Variants in ADAMTS17 observed in about 807,000 individuals in gnomAD.
The protein encoded by ADAMTS17 is ADAM metallopeptidase with thrombospondin type 1 motif 17, also known as A disintegrin and metalloproteinase with thrombospondin motifs 17.
ADAMTS17 carries 113 observed loss-of-function variants against 141.5 expected under a neutral mutation model. The observed-to-expected ratio is 0.80, with a 90% CI of 0.69 to 0.93. The LOEUF (loss-of-function observed/expected upper bound fraction) is 0.93, where lower values mean the gene tolerates loss of function less well. Ranked by LOEUF, ADAMTS17 falls within the 40% of genes least tolerant of loss-of-function variation. The probability of loss-of-function intolerance (pLI) is 0.00; values close to 1 mark genes in which losing one functional copy is unlikely to be tolerated. For synonymous variants in ADAMTS17, 768 were observed against 630.6 expected (o/e 1.22, Z -3.27); for missense variants, 1,659 against 1,517.9 (o/e 1.09, Z -1.54).
intron 14 of ADAMTS17, among the ~76,000 whole-genome samples, chr15:100,107,845 T>C (rs571565706): frequency 1.3e-5 from 2 of 152,310 alleles, no homozygotes; most frequent in Admixed American, 6.5e-5. Context: ...CTGCCTGGTC[T>C]ATGGTGTATC....
chr15:100,142,917 G>C (rs1413682251), intron 10 of ADAMTS17, among the ~76,000 whole-genome samples: 1 of 152,158 alleles, frequency 6.6e-6, no homozygotes, highest in East Asian at 1.9e-4. Context: ...GCACACCTCG[G>C]GTCCTTGTGA....
chr15:100,328,253 G>A (rs556183253), intron 3 of ADAMTS17, among the ~76,000 whole-genome samples: 12 of 152,252 alleles, frequency 7.9e-5, no homozygotes, highest in South Asian at 6.2e-4. Flanking sequence ...TAATTTTCCC[G>A]ATTTCTAAAC....
chr15:100,324,039 A>G (rs74331528), intron 3 of ADAMTS17, among the ~76,000 whole-genome samples: 5 of 151,246 alleles, frequency 3.3e-5, no homozygotes, highest in South Asian at 2.1e-4. Flanking sequence ...AAAAAAAAAA[A>G]AGAAGAAAGC....
intron 7 of ADAMTS17, among the ~76,000 whole-genome samples, chr15:100,235,893 G>T (rs535440956): frequency 1.2e-4 from 19 of 152,286 alleles, no homozygotes; most frequent in Middle Eastern, 3.4e-3. Context: ...CTGTACTCAA[G>T]GTAGCAGAGC....
chr15:100,278,492 G>A (rs1035084410), intron 4 of ADAMTS17, among the ~76,000 whole-genome samples: 7 of 152,124 alleles, frequency 4.6e-5, no homozygotes, highest in Non-Finnish European at 1.5e-5. Flanking sequence ...CAGGTCCCAG[G>A]GGCCTCCTTG....
chr15:100,117,316 T>A (rs965738907), intron 12 of ADAMTS17, among the ~76,000 whole-genome samples: 3 of 152,186 alleles, frequency 2.0e-5, no homozygotes, highest in Non-Finnish European at 4.4e-5. Context: ...ACTTAAAATT[T>A]GGCCATGGGT....
At chr15:100,010,501 C>T (rs114916468) in intron 18 of ADAMTS17, among the ~76,000 whole-genome samples, 4 of 152,194 alleles carry the variant, frequency 2.6e-5, no homozygotes, top group Admixed American at 6.5e-5. Flanking sequence ...CTGTTCTCCA[C>T]GTGTGCTGCG....
chr15:100,122,712 G>T (rs1021546371), intron 12 of ADAMTS17, among the ~76,000 whole-genome samples: 1 of 152,184 alleles, frequency 6.6e-6, no homozygotes, highest in Non-Finnish European at 1.5e-5. Context: ...TAGAGAAAAG[G>T]TTATTAAGAA....
chr15:100,128,910 G>A (rs1379160486), intron 12 of ADAMTS17: 4 of 152,196 alleles, frequency 2.6e-5, no homozygotes, highest in Admixed American at 6.5e-5. Flanking sequence ...AAAAGCTCTG[G>A]AAAGCCTTGT....
intron 18 of ADAMTS17, among the ~76,000 whole-genome samples, chr15:100,011,105 A>G (rs2061158678): frequency 6.6e-6 from 1 of 151,180 alleles, no homozygotes; most frequent in South Asian, 2.1e-4. Flanking sequence ...TTTCAGCCTT[A>G]AATCCTGTAT....
At chr15:100,169,785 T>G in intron 8 of ADAMTS17, among the ~76,000 whole-genome samples, 1 of 152,290 alleles carries the variant, frequency 6.6e-6, no homozygotes, top group East Asian at 1.9e-4. Context: ...CGGGGGCATC[T>G]GGTCACGGGG....
At chr15:100,221,278 CTT>C (rs34908375) in intron 7 of ADAMTS17, among the ~76,000 whole-genome samples, 6 of 147,942 alleles carry the variant, frequency 4.1e-5, no homozygotes, top group African/African-American at 1.2e-4. Context: ...ATAAACTTCA[CTT>C]TTTTTTTTTT....
At chr15:99,987,061 C>T (rs577053007) in intron 20 of ADAMTS17, among the ~76,000 whole-genome samples, 1 of 152,294 alleles carries the variant, frequency 6.6e-6, no homozygotes, top group South Asian at 2.1e-4. Flanking sequence ...GGGGCCTGCC[C>T]ACCTCCCCAA....
At chr15:100,301,475 C>A (rs1260529195) in intron 3 of ADAMTS17, among the ~76,000 whole-genome samples, 2 of 151,302 alleles carry the variant, frequency 1.3e-5, no homozygotes, top group Non-Finnish European at 2.9e-5. Flanking sequence ...CAGGCGCCCA[C>A]CACCACACCG....
chr15:100,134,977 T>G (rs1425583933), intron 10 of ADAMTS17, among the ~76,000 whole-genome samples: 1 of 152,198 alleles, frequency 6.6e-6, no homozygotes, highest in East Asian at 1.9e-4. Flanking sequence ...CACTCTGACC[T>G]GCGAGCTCTT....
intron 15 of ADAMTS17, among the ~76,000 whole-genome samples, chr15:100,086,939 A>C (rs1231371180): frequency 6.6e-5 from 10 of 152,208 alleles, no homozygotes; most frequent in African/African-American, 2.2e-4. Flanking sequence ...GAACCAGAGA[A>C]TCAAGAGCAA....
chr15:100,151,599 C>T (rs2039167969), intron 10 of ADAMTS17, among the ~76,000 whole-genome samples: 1 of 152,208 alleles, frequency 6.6e-6, no homozygotes, highest in African/African-American at 2.4e-5. Context: ...AGCCCTCCCT[C>T]AGGCTGACCA....
chr15:100,063,633 T>C (rs1402061872), intron 15 of ADAMTS17: 4 of 1,285,404 alleles, frequency 3.1e-6, no homozygotes, highest in Non-Finnish European at 4.1e-6. Flanking sequence ...ATCATCAAAA[T>C]CGATTCTCAA....
intron 18 of ADAMTS17, among the ~76,000 whole-genome samples, chr15:100,011,210 A>G (rs2061162067): frequency 7.8e-6 from 1 of 128,534 alleles, no homozygotes; most frequent in Non-Finnish European, 1.6e-5. Context: ...TCCTGAAAAA[A>G]TTCTTGGGCC....
Sources: allele counts gnomAD v4.1 joint callset (sites outside exome capture counted in the v4.1 genomes callset), GRCh38; gene constraint gnomAD v4.1.1; transcripts MANE v1.5; gene names NCBI Gene and HGNC (gene_info 2026-07-23, HGNC 2026-07-21).